HS3ST3B1: variants seen among roughly 807,000 people sequenced by gnomAD.
HS3ST3B1 encodes heparan sulfate-glucosamine 3-sulfotransferase 3B1, also known as heparan sulfate glucosamine 3-O-sulfotransferase 3B1.
Under a neutral mutation model 21.3 loss-of-function variants are expected in HS3ST3B1, and 13 were observed. The observed-to-expected ratio is 0.61, with a 90% confidence interval of 0.40 to 0.97. The LOEUF (loss-of-function observed/expected upper bound fraction) is 0.97, where lower values mean the gene tolerates loss of function less well. Ranked by LOEUF, HS3ST3B1 falls within the 50% of genes least tolerant of loss-of-function variation. The pLI is 0.00. For synonymous variants in HS3ST3B1, 234 were observed against 254.8 expected, an observed-to-expected ratio of 0.92 and a Z score of 0.78; for missense variants, 459 against 554.8, an observed-to-expected ratio of 0.83 and a Z score of 1.73.
At chr17:14,329,238 C>T (rs1164265724) in intron 1 of HS3ST3B1, 1 of 151,510 alleles carries the variant, frequency 6.6e-6, no homozygotes, top group East Asian at 1.9e-4. Context: ...GGATCCCTGC[C>T]CCTAAACTGG....
rs141603189 is a variant in HS3ST3B1 at position 14,317,155 on chromosome 17, T to C, written c.554+15083T>C. 8.5e-3 allele frequency among the ~76,000 whole-genome samples: 1,296 copies of C among 152,342 alleles called. 6 individuals carry two copies. The highest frequency in any genetic ancestry group is 0.026 in the South Asian group (126 of 4,832). ...CTTTTCATTCTTATCACACTTCCCT[T>C]CCTATAAAGTTACGTATCTTTTAAA... On this transcript the variant is annotated intron_variant, in intron 1 of 1. Transcript: ENST00000360954.
intron 1 of HS3ST3B1, among the ~76,000 whole-genome samples, chr17:14,336,833 T>C (rs1178642046): frequency 6.6e-6 from 1 of 152,206 alleles, no homozygotes; most frequent in Non-Finnish European, 1.5e-5. Flanking sequence ...TCCTTTTCCT[T>C]CCTTCCATCC....
chr17:14,311,250 A>C (rs114552653), intron 1 of HS3ST3B1, among the ~76,000 whole-genome samples: 12,408 of 151,126 alleles, frequency 0.082, 545 homozygotes, highest in East Asian at 0.1. Context: ...AAAAAAAAAA[A>C]AAAAAACTGT....
At chr17:14,312,799 T>C (rs1235983808) in intron 1 of HS3ST3B1, among the ~76,000 whole-genome samples, 4 of 152,150 alleles carry the variant, frequency 2.6e-5, no homozygotes, top group Admixed American at 2.6e-4. Context: ...TTTTACACTC[T>C]GTGGCCCATT....
chr17:14,322,465 G>A (rs899924673), intron 1 of HS3ST3B1, among the ~76,000 whole-genome samples: 1 of 152,148 alleles, frequency 6.6e-6, no homozygotes, highest in Non-Finnish European at 1.5e-5. Context: ...AAGGCAGGGA[G>A]AACCATCTTC....
chr17:14,311,485 C>T (rs1909304015), intron 1 of HS3ST3B1, among the ~76,000 whole-genome samples: 1 of 152,204 alleles, frequency 6.6e-6, no homozygotes, highest in Non-Finnish European at 1.5e-5. Context: ...GCCACTATCA[C>T]CATCCTCTAC....
intron 1 of HS3ST3B1, among the ~76,000 whole-genome samples, chr17:14,323,645 G>A (rs758505675): frequency 6.6e-6 from 1 of 152,086 alleles, no homozygotes; most frequent in Non-Finnish European, 1.5e-5. Context: ...CATATTGGGT[G>A]TGAGGAGGCT....
chr17:14,334,472 G>A (rs1038083368), intron 1 of HS3ST3B1, among the ~76,000 whole-genome samples: 2 of 151,936 alleles, frequency 1.3e-5, no homozygotes, highest in Admixed American at 1.3e-4. Context: ...TTTCCTCAGG[G>A]CCTCTGAGGA....
At chr17:14,338,106 G>A (rs1043663067) in intron 1 of HS3ST3B1, among the ~76,000 whole-genome samples, 7 of 151,810 alleles carry the variant, frequency 4.6e-5, no homozygotes, top group Non-Finnish European at 1.5e-5. Flanking sequence ...TTCCAGGGAT[G>A]GAACTGAGTG....
At chr17:14,342,951 A>T (rs896599241) in intron 1 of HS3ST3B1, among the ~76,000 whole-genome samples, 1 of 152,180 alleles carries the variant, frequency 6.6e-6, no homozygotes, top group African/African-American at 2.4e-5. Flanking sequence ...TTCTAGAAAG[A>T]TTTAATCAAT....
chr17:14,345,825 A>C lies in HS3ST3B1; in HGVS notation c.*179A>C. ...AGCTTCATAATCTGTTAACATTCCA[A>C]AGTGTTTAACTCTAGTATTTCGTTC... On this transcript the variant is annotated 3_prime_UTR_variant, in exon 2 of 2. Transcript: ENST00000360954. 1.2e-6 allele frequency: 1 copy of C among 807,694 alleles called. No homozygotes were observed. Among genetic ancestry groups the C allele is most frequent in the Non-Finnish European group, 1.8e-6 (1 of 541,154 alleles). 50.0% of individuals were successfully genotyped at this position (807,694 alleles called of 1,614,324 possible).
intron 1 of HS3ST3B1, among the ~76,000 whole-genome samples, chr17:14,337,976 T>G (rs1325190770): frequency 6.6e-6 from 1 of 151,660 alleles, no homozygotes; most frequent in African/African-American, 2.4e-5. Context: ...GCTTGCACAT[T>G]AGAATCATCT....
chr17:14,315,065 T>G (rs906997939), intron 1 of HS3ST3B1, among the ~76,000 whole-genome samples: 8 of 152,150 alleles, frequency 5.3e-5, no homozygotes, highest in African/African-American at 1.9e-4. Flanking sequence ...ATTTTTTACT[T>G]TTTTAGTTCC....
Position 14,301,344 on chromosome 17 carries a change from T to TGCC in HS3ST3B1, c.-168_-166dup. 1 of 525,706 alleles carries TGCC rather than the reference T, an allele frequency of 1.9e-6. No homozygotes were observed. Among genetic ancestry groups the TGCC allele is most frequent in the Non-Finnish European group, 3.1e-6 (1 of 320,170 alleles). 32.6% of individuals were successfully genotyped at this position (525,706 alleles called of 1,614,324 possible). ...TGTCAAGAGCCGCCGCCGCTACAGC[T>TGCC]GCCGCCGCCACCTGGGGAAGAGCAG... is the stretch of plus-strand genomic sequence containing the variant. On this transcript the variant is annotated 5_prime_UTR_variant, in exon 1 of 2. Coordinates refer to ENST00000360954, the MANE Select transcript of HS3ST3B1 (RefSeq NM_006041.3).
chr17:14,315,107 G>T (rs1316940008), intron 1 of HS3ST3B1, among the ~76,000 whole-genome samples: 1 of 152,106 alleles, frequency 6.6e-6, no homozygotes, highest in Non-Finnish European at 1.5e-5. Context: ...GGATTCCCCA[G>T]TTGGCAAATC....
In HS3ST3B1 at chr17:14,301,731, A is replaced by C. The variant is rs1029464065; in HGVS notation, c.213A>C (p.Ala71=). 2.5e-6 allele frequency: 4 copies of C among 1,599,510 alleles called. No individual in the cohort carries two copies. The African/African-American group carries it at 4.0e-5, about 16-fold the overall frequency. ...LLLLGSGSRA[A]HDPPALATAP... Reference sequence around the variant, plus strand: ...TCCTGGGCTCTGGGTCCCGCGCCGCACACGACCCGCCAGCCCTGGCCACAG... The same window carrying C: ...TCCTGGGCTCTGGGTCCCGCGCCGCCCACGACCCGCCAGCCCTGGCCACAG... The change falls in exon 1 of 2, where the codon GCA becomes GCC. Residue 71 remains alanine (A), a synonymous_variant. Transcript: ENST00000360954.
chr17:14,319,968 T>C (rs965114600), intron 1 of HS3ST3B1, among the ~76,000 whole-genome samples: 1 of 151,946 alleles, frequency 6.6e-6, no homozygotes, highest in Non-Finnish European at 1.5e-5. Context: ...TCATTCTTAA[T>C]GCTTTTGCGC....
chr17:14,320,274 C>T (rs75740165), intron 1 of HS3ST3B1, among the ~76,000 whole-genome samples: 13,880 of 152,002 alleles, frequency 0.091, 977 homozygotes, highest in African/African-American at 0.19. Context: ...CGGGATGGGG[C>T]GCTGCACTGG....
In HS3ST3B1 at chr17:14,345,992, CCTTGT is replaced by C. The variant is rs1910558501; in HGVS notation, c.*356_*360del. 4.4e-6 allele frequency: 1 copy of C among 224,778 alleles called. No individual in the cohort carries two copies. Among genetic ancestry groups the C allele is most frequent in the Non-Finnish European group, 8.7e-6 (1 of 114,938 alleles). 13.9% of individuals were successfully genotyped at this position (224,778 alleles called of 1,614,324 possible). On this transcript the variant is annotated 3_prime_UTR_variant, in exon 2 of 2. Transcript: ENST00000360954. ...CGTCTGAGTTCTCCAGTTGCTGCCT[CCTTGT>C]CTTGTCTTGGGTCTCCCATTCCAGC...
Sources: gnomAD v4.1 joint callset for allele counts (sites outside exome capture counted in the v4.1 genomes callset) on GRCh38, gnomAD v4.1.1 for gene constraint, MANE v1.5 for transcripts, NCBI Gene and HGNC (gene_info 2026-07-23, HGNC 2026-07-21) for gene names.